Variants in CBX5 observed in about 807,000 individuals in gnomAD.
CBX5 encodes the protein chromobox 5.
Under a neutral mutation model 20.7 loss-of-function variants are expected in CBX5, and 7 were observed. The observed-to-expected ratio is 0.34, with a 90% CI of 0.19 to 0.63. The LOEUF (loss-of-function observed/expected upper bound fraction) is 0.63. Ranked by LOEUF, CBX5 falls within the 30% of genes least tolerant of loss-of-function variation. CBX5 has a pLI of 0.75. For synonymous variants in CBX5, 78 were observed against 77.0 expected (o/e 1.01, Z -0.07); for missense variants, 110 against 224.1 (o/e 0.49, Z 3.25).
At chr12:54,245,811 ATAAT>A (rs1399795435) in intron 4 of CBX5, among the ~76,000 whole-genome samples, 2 of 151,568 alleles carry the variant, frequency 1.3e-5, no homozygotes, top group African/African-American at 4.8e-5. Context: ...AAATAAATAA[ATAAT>A]AAAAATACAA....
intron 2 of CBX5, chr12:54,255,555 T>C (rs1214736779): frequency 1.1e-5 from 1 of 93,424 alleles, no homozygotes; most frequent in Non-Finnish European, 1.9e-5. Flanking sequence ...AGAGACTCTG[T>C]CTCAAAAAAA....
At position 54,257,619 on chromosome 12, in the gene CBX5, C is replaced by G; in HGVS notation, c.32G>C (p.Ser11Thr). The G allele has an allele frequency of 1.9e-6, 3 of 1,614,238 alleles. No homozygotes were observed. The highest frequency in any genetic ancestry group is 2.5e-6 in the Non-Finnish European group (3 of 1,180,036). Residue 11 changes from serine (S) to threonine (T), a missense_variant, in exon 2 of 5, where the codon AGT becomes ACT. By Grantham distance (58) the Ser-to-Thr change is moderately conservative. Coordinates refer to ENST00000209875, the MANE Select transcript of CBX5 (RefSeq NM_012117.3). MGKKTKRTAD[S>T]SSSEDEEEYV... Reference sequence around the variant, plus strand: ...CTCCTCCTCATCCTCTGAAGAAGAACTGTCAGCTGTCCGCTTGGTTTTCTT... The same window carrying G: ...CTCCTCCTCATCCTCTGAAGAAGAAGTGTCAGCTGTCCGCTTGGTTTTCTT...
At chr12:54,274,928 C>T (rs1055972029) in intron 1 of CBX5, among the ~76,000 whole-genome samples, 1 of 151,848 alleles carries the variant, frequency 6.6e-6, no homozygotes, top group African/African-American at 2.4e-5. Flanking sequence ...TGACAGAGCG[C>T]GACTCTGTCT....
intron 1 of CBX5, among the ~76,000 whole-genome samples, chr12:54,261,039 A>G (rs1858623014): frequency 6.6e-6 from 1 of 151,944 alleles, no homozygotes; most frequent in South Asian, 2.1e-4. Flanking sequence ...AAAAATGCAA[A>G]AATTAGCCAG....
At chr12:54,256,330 G>GT (rs1484100217) in intron 2 of CBX5, among the ~76,000 whole-genome samples, 1 of 152,108 alleles carries the variant, frequency 6.6e-6, no homozygotes, top group African/African-American at 2.4e-5. Context: ...TCTGATTGTT[G>GT]TGCTACCCAT....
intron 1 of CBX5, among the ~76,000 whole-genome samples, chr12:54,269,690 G>A (rs1174134537): frequency 6.6e-6 from 1 of 152,154 alleles, no homozygotes; most frequent in Non-Finnish European, 1.5e-5. Context: ...CTTGGCCTGG[G>A]CCTGGCGTTT....
At position 54,236,998 on chromosome 12, in the gene CBX5, G is replaced by A. The variant is rs977956825; in HGVS notation, c.*4757C>T. The A allele has an allele frequency of 6.6e-6, 1 of 152,224 alleles. No homozygotes were observed. The highest frequency in any genetic ancestry group is 6.5e-5 in the Admixed American group (1 of 15,276). The allele number at this position is 152,224 out of a possible 1,614,324, so 9.4% of individuals were successfully genotyped here. A position where few individuals can be genotyped will look rare whatever the true frequency, so the allele number is the denominator to read the frequency against. ...GAATGAAGAGTTAAGAATAATAAAT[G>A]CCTAAGTTACAGGGACAGAACCAAT... On this transcript the variant is annotated 3_prime_UTR_variant, in exon 5 of 5. Transcript: ENST00000209875.
Position 54,232,441 on chromosome 12 carries a change from C to T in CBX5, c.*9314G>A, listed in dbSNP as rs1943577899. On this transcript the variant is annotated 3_prime_UTR_variant, in exon 5 of 5. Coordinates refer to ENST00000209875, the MANE Select transcript of CBX5 (RefSeq NM_012117.3). ...GATTTACAATGCCTCACAACAACAC[C>T]CCTGTGAGGTAGGTCAGTATTATTA... 2 of 152,124 alleles carry T rather than the reference C, an allele frequency of 1.3e-5. No individual in the cohort carries two copies. Among genetic ancestry groups the T allele is most frequent in the Non-Finnish European group, 2.9e-5 (2 of 68,032 alleles). The allele number at this position is 152,124 out of a possible 1,614,324, so 9.4% of individuals were successfully genotyped here. A position where few individuals can be genotyped will look rare whatever the true frequency, so the allele number is the denominator to read the frequency against.
chr12:54,253,501 A>G (rs892552613), intron 2 of CBX5, among the ~76,000 whole-genome samples: 4 of 152,080 alleles, frequency 2.6e-5, no homozygotes, highest in African/African-American at 9.7e-5. Context: ...TAAGGTGAGC[A>G]GATCACTTGA....
rs376739043 is a variant in CBX5 at position 54,242,850 on chromosome 12, T to TGCA, written c.426-948_426-946dup. On this transcript the variant is annotated intron_variant, in intron 4 of 4. Transcript: ENST00000209875. ...TTAAAATTATCCTGAGAAGCTCAGG[T>TGCA]GCAGCAGCTCATGCCTGTAATCCCA... Among the ~76,000 whole-genome samples, 350 of 152,108 alleles carry TGCA rather than the reference T, an allele frequency of 2.3e-3. 3 individuals are homozygous for TGCA. The highest frequency in any genetic ancestry group is 0.017 in the Middle Eastern group (5 of 294).
chr12:54,277,487 G>A (rs1228552412), intron 1 of CBX5, among the ~76,000 whole-genome samples: 2 of 152,120 alleles, frequency 1.3e-5, no homozygotes, highest in Non-Finnish European at 2.9e-5. Context: ...TTACAGACAT[G>A]AGCCACCACG....
intron 1 of CBX5, among the ~76,000 whole-genome samples, chr12:54,261,303 CTTTT>C (rs372027623): frequency 1.4e-5 from 2 of 143,544 alleles, no homozygotes; most frequent in African/African-American, 5.1e-5. Flanking sequence ...TTTCTTTTTT[CTTTT>C]TTTTTTTTGA....
rs1943652742 is a variant in CBX5, at chr12:54,239,177, C to CA, written c.*2577dup. 6.6e-6 allele frequency: 1 copy of CA among 152,138 alleles called. No homozygotes were observed. Among genetic ancestry groups the CA allele is most frequent in the African/African-American group, 2.4e-5 (1 of 41,436 alleles). 9.4% of individuals were successfully genotyped at this position (152,138 alleles called of 1,614,324 possible). On this transcript the variant is annotated 3_prime_UTR_variant, in exon 5 of 5. Coordinates refer to ENST00000209875, the MANE Select transcript of CBX5 (RefSeq NM_012117.3). ...TACAATAAACCGAAGACAAAAAAGA[C>CA]AGAGTAAAGTCTATTAACAGATGGT...
intron 1 of CBX5, among the ~76,000 whole-genome samples, chr12:54,266,078 C>T (rs970912574): frequency 2.1e-5 from 3 of 146,054 alleles, no homozygotes; most frequent in Non-Finnish European, 4.5e-5. Context: ...AAACCTCCTA[C>T]TACAGTGAGC....
chr12:54,264,702 G>A (rs1411797310), intron 1 of CBX5, among the ~76,000 whole-genome samples: 1 of 152,052 alleles, frequency 6.6e-6, no homozygotes, highest in East Asian at 1.9e-4. Flanking sequence ...AATTAGCCAG[G>A]TGTGGTGGCA....
Position 54,238,138 on chromosome 12 carries a change from C to A in CBX5, c.*3617G>T, listed in dbSNP as rs1943642065. The A allele has an allele frequency of 1.3e-5, 2 of 152,128 alleles. No individual in the cohort carries two copies. Among genetic ancestry groups the A allele is most frequent in the African/African-American group, 4.8e-5 (2 of 41,402 alleles). 9.4% of individuals were successfully genotyped at this position (152,128 alleles called of 1,614,324 possible). On this transcript the variant is annotated 3_prime_UTR_variant, in exon 5 of 5. Coordinates refer to ENST00000209875, the MANE Select transcript of CBX5 (RefSeq NM_012117.3). ...CCAGGAGGTGGAGGGTACAGTAAGC[C>A]AAGATTGTGCCACTGCACTCCAGCC...
intron 2 of CBX5, among the ~76,000 whole-genome samples, chr12:54,254,420 G>GA (rs1273269129): frequency 6.7e-6 from 1 of 150,304 alleles, no homozygotes; most frequent in Non-Finnish European, 1.5e-5. Context: ...AAAGCAGAAA[G>GA]ACGGAAAAAT....
chr12:54,273,440 C>T (rs1004044558), intron 1 of CBX5: 3 of 152,126 alleles, frequency 2.0e-5, no homozygotes, highest in African/African-American at 7.2e-5. Context: ...GAGACTCTGT[C>T]TCAAAATAAA....
At chr12:54,278,750 G>T (rs964230972) in intron 1 of CBX5, 4 of 152,330 alleles carry the variant, frequency 2.6e-5, no homozygotes, top group African/African-American at 9.6e-5. Flanking sequence ...AATAATCCAG[G>T]TGATGGATGA....
Sources: allele counts gnomAD v4.1 joint callset (sites outside exome capture counted in the v4.1 genomes callset), GRCh38; gene constraint gnomAD v4.1.1; transcripts MANE v1.5; gene names NCBI Gene and HGNC (gene_info 2026-07-23, HGNC 2026-07-21).